Variants in LOC128125822 observed in about 807,000 individuals in gnomAD.
chr6:63,580,825 C>G, the LOC128125822 span: 1 of 151,534 alleles, frequency 6.6e-6, no homozygotes, highest in Non-Finnish European at 1.5e-5. Context: ...TTTTGAAAAT[C>G]TACGTTGTAC....
the LOC128125822 span, among the ~76,000 whole-genome samples, chr6:63,577,616 G>T: frequency 3.3e-5 from 5 of 152,006 alleles, no homozygotes; most frequent in Non-Finnish European, 7.4e-5. Context: ...GAGTGCAGTG[G>T]CATGATCTCA....
the LOC128125822 span, chr6:63,576,507 G>A: frequency 2.5e-6 from 1 of 405,232 alleles, no homozygotes; most frequent in Non-Finnish European, 4.3e-6. Context: ...GCCAGGCACA[G>A]CACGACCTCT....
At chr6:63,574,183 G>A in the LOC128125822 span, among the ~76,000 whole-genome samples, 2 of 152,156 alleles carry the variant, frequency 1.3e-5, no homozygotes, top group Non-Finnish European at 2.9e-5. Context: ...TTTCTTAGGT[G>A]CCCTAAGACC....
chr6:63,581,945 A>G, the LOC128125822 span: 1 of 152,158 alleles, frequency 6.6e-6, no homozygotes, highest in African/African-American at 2.4e-5. Flanking sequence ...GTCTTTGTCT[A>G]ATTTTTTTTG....
chr6:63,578,187 A>G, the LOC128125822 span, among the ~76,000 whole-genome samples: 6 of 152,374 alleles, frequency 3.9e-5, no homozygotes, highest in African/African-American at 1.4e-4. Flanking sequence ...AATTTAAACA[A>G]AAGAAGGAAA....
the LOC128125822 span, chr6:63,576,663 ACTTCTTTTCTGTTGGC>A: frequency 1.7e-6 from 1 of 574,174 alleles, no homozygotes; most frequent in Non-Finnish European, 3.1e-6. Context: ...ACCTCAGTGC[ACTTCTTTTCTGTTGGC>A]CTCAGTATTA....
At chr6:63,579,865 A>C in the LOC128125822 span, among the ~76,000 whole-genome samples, 1 of 152,192 alleles carries the variant, frequency 6.6e-6, no homozygotes, top group Non-Finnish European at 1.5e-5. Flanking sequence ...CGAAGATATA[A>C]AGAAAATTAA....
At chr6:63,580,047 T>TG in the LOC128125822 span, 1 of 1,585,544 alleles carries the variant, frequency 6.3e-7, no homozygotes, top group Non-Finnish European at 8.6e-7. Flanking sequence ...TTTTTTTTTT[T>TG]TCCTCCCAGA....
At chr6:63,582,910 C>T in the LOC128125822 span, 4 of 152,202 alleles carry the variant, frequency 2.6e-5, 1 homozygote, top group South Asian at 8.3e-4. Flanking sequence ...CACATTTAAT[C>T]ACATCCCCCT....
chr6:63,574,215 A>G, the LOC128125822 span, among the ~76,000 whole-genome samples: 1 of 152,238 alleles, frequency 6.6e-6, no homozygotes, highest in African/African-American at 2.4e-5. Flanking sequence ...GGAACAGACT[A>G]TACAACGAAT....
chr6:63,578,490 T>C, the LOC128125822 span: 37 of 1,612,372 alleles, frequency 2.3e-5, 1 homozygote, highest in Middle Eastern at 5.0e-4. Context: ...AAGCAACTTA[T>C]GACACTACTC....
At chr6:63,578,591 T>C in the LOC128125822 span, 1 of 1,541,486 alleles carries the variant, frequency 6.5e-7, no homozygotes, top group Non-Finnish European at 8.7e-7. Flanking sequence ...ATTCAAATAG[T>C]AAATTCAAAT....
chr6:63,574,604 C>G, the LOC128125822 span, among the ~76,000 whole-genome samples: 1 of 152,098 alleles, frequency 6.6e-6, no homozygotes, highest in Non-Finnish European at 1.5e-5. Context: ...TATGGCCAGA[C>G]TAGGTTGTAG....
chr6:63,578,919 G>A, the LOC128125822 span: 1 of 1,586,420 alleles, frequency 6.3e-7, no homozygotes, highest in Non-Finnish European at 8.5e-7. Flanking sequence ...TGATGATGGT[G>A]CACCACCATC....
the LOC128125822 span, among the ~76,000 whole-genome samples, chr6:63,573,072 G>A: frequency 6.6e-6 from 1 of 152,018 alleles, no homozygotes; most frequent in Non-Finnish European, 1.5e-5. Flanking sequence ...TGGCACAAAA[G>A]CCGCTTTGTG....
At chr6:63,576,362 T>G in the LOC128125822 span, 4 of 398,194 alleles carry the variant, frequency 1.0e-5, no homozygotes, top group Non-Finnish European at 1.8e-5. Flanking sequence ...ACTTAAATAG[T>G]GTAAAACCCT....
At chr6:63,580,490 A>C in the LOC128125822 span, 4 of 211,594 alleles carry the variant, frequency 1.9e-5, no homozygotes, top group Admixed American at 2.1e-4. Context: ...CCAGAATCTT[A>C]TCAATACATA....
At chr6:63,576,081 A>T in the LOC128125822 span, among the ~76,000 whole-genome samples, 2 of 150,132 alleles carry the variant, frequency 1.3e-5, no homozygotes, top group Admixed American at 6.7e-5. Context: ...TTAGAATCAT[A>T]TAATTATATA....
At chr6:63,572,852 T>G in the LOC128125822 span, 2 of 392,560 alleles carry the variant, frequency 5.1e-6, no homozygotes, top group Non-Finnish European at 4.5e-6. Flanking sequence ...GGGTCCCGGG[T>G]GGGAGCGGGC....
Sources: gnomAD v4.1 joint callset for allele counts (sites outside exome capture counted in the v4.1 genomes callset) on GRCh38, gnomAD v4.1.1 for gene constraint, MANE v1.5 for transcripts.